Variants in TLNRD1 observed in about 807,000 individuals in gnomAD.
The protein encoded by TLNRD1 is talin rod domain containing 1, also known as talin rod domain-containing protein 1.
TLNRD1 carries 14 observed loss-of-function variants against 19.5 expected under a neutral mutation model. The ratio of observed to expected loss-of-function variants is 0.72; its 90% confidence interval spans 0.47 to 1.12. The LOEUF is 1.12. Among genes scored for constraint, TLNRD1 ranks in the 50% most tolerant of loss-of-function variants. The pLI is 0.00. For synonymous variants in TLNRD1, 345 were observed against 261.7 expected (o/e 1.32, Z -3.07); for missense variants, 569 against 531.9 (o/e 1.07, Z -0.69).
In TLNRD1 at chr15:81,003,090, C is replaced by G; in HGVS notation, c.819C>G (p.Arg273=). ...GFATEPQFLG[R]AAAVSAEGKA... The stretch of plus-strand genomic sequence containing the variant: ...CCACCGAGCCGCAGTTCCTGGGTCG[C>G]GCGGCAGCTGTGAGCGCCGAGGGCA... Residue 273 remains arginine (R), a synonymous_variant, in exon 1 of 1, where the codon CGC becomes CGG. Coordinates refer to ENST00000267984, the MANE Select transcript of TLNRD1 (RefSeq NM_022566.3). 1 of 1,552,900 alleles carries G rather than the reference C, an allele frequency of 6.4e-7. No homozygotes were observed. The highest frequency in any genetic ancestry group is 8.7e-7 in the Non-Finnish European group (1 of 1,153,516).
At position 81,002,726 on chromosome 15, in the gene TLNRD1, G is replaced by T; in HGVS notation, c.455G>T (p.Arg152Leu). ...CAGCCGGGCCTGGTGGACCGCTACC[G>T]CGTGACGCGATGCCGCCACGAGGTG... ...PAQPGLVDRY[R>L]VTRCRHEVEQ... The change falls in exon 1 of 1, where the codon CGC (arginine) becomes CTC (leucine). Residue 152 changes from arginine (R) to leucine (L), a missense_variant. Physicochemically the swap from Arg to Leu is moderately radical, Grantham distance 102. Transcript: ENST00000267984. The T allele has an allele frequency of 6.5e-7, 1 of 1,534,052 alleles. No homozygotes were observed. Among genetic ancestry groups the T allele is most frequent in the Non-Finnish European group, 8.7e-7 (1 of 1,145,950 alleles).
rs1312249561 is a variant in TLNRD1 at position 81,003,982 on chromosome 15, A to T, written c.*622A>T. 1 of 166,562 alleles carries T rather than the reference A, an allele frequency of 6.0e-6. No homozygotes were observed. The highest frequency in any genetic ancestry group is 2.4e-5 in the African/African-American group (1 of 41,290). 10.3% of individuals were successfully genotyped at this position (166,562 alleles called of 1,614,324 possible). A position where few individuals can be genotyped will look rare whatever the true frequency, so the allele number is the denominator to read the frequency against. Reference sequence around the variant, plus strand: ...ATGTACTGGAGTATTTATTTCATCTATTAAAATGTTATGTTTCTCAGATGG... The same window carrying T: ...ATGTACTGGAGTATTTATTTCATCTTTTAAAATGTTATGTTTCTCAGATGG... On this transcript the variant is annotated 3_prime_UTR_variant, in exon 1 of 1. Transcript: ENST00000267984.
rs1330987343 is a variant in TLNRD1 at position 81,003,286 on chromosome 15, C to T, written c.1015C>T (p.Leu339=). The change falls in exon 1 of 1, where the codon CTG becomes TTG. Residue 339 remains leucine, a synonymous_variant. Transcript: ENST00000267984. ...CTGCGCCGTGTCTGAAGGCTGCACCCTGCTATCTCAGGCTTTAAGGGAGAG... is the reference window on the plus strand; with the variant it reads ...CTGCGCCGTGTCTGAAGGCTGCACCTTGCTATCTCAGGCTTTAAGGGAGAG... ...SACAVSEGCT[L]LSQALRERSS... is the part of the protein sequence containing the mutation. 6.2e-7 allele frequency: 1 copy of T among 1,611,820 alleles called. No individual in the cohort carries two copies. Among genetic ancestry groups the T allele is most frequent in the Non-Finnish European group, 8.5e-7 (1 of 1,179,486 alleles).
At position 81,002,732 on chromosome 15, in the gene TLNRD1, C is replaced by T. The variant is rs1330211138; in HGVS notation, c.461C>T (p.Thr154Met). 2.0e-6 allele frequency: 3 copies of T among 1,534,064 alleles called. No homozygotes were observed. Among genetic ancestry groups the T allele is most frequent in the Non-Finnish European group, 2.6e-6 (3 of 1,145,992 alleles). ...GGCCTGGTGGACCGCTACCGCGTGACGCGATGCCGCCACGAGGTGGAGCAG... is the reference window on the plus strand; with the variant it reads ...GGCCTGGTGGACCGCTACCGCGTGATGCGATGCCGCCACGAGGTGGAGCAG... The part of the protein sequence containing the change: ...QPGLVDRYRV[T>M]RCRHEVEQGC... The change falls in exon 1 of 1, where the codon ACG (threonine) becomes ATG (methionine). Residue 154 changes from threonine to methionine, a missense_variant. By Grantham distance (81) the Thr-to-Met change is moderately conservative. Coordinates refer to ENST00000267984, the MANE Select transcript of TLNRD1 (RefSeq NM_022566.3).
In TLNRD1 at chr15:81,002,444, G is replaced by T; in HGVS notation, c.173G>T (p.Arg58Leu). The T allele has an allele frequency of 6.5e-7, 1 of 1,541,728 alleles. No individual in the cohort carries two copies. The highest frequency in any genetic ancestry group is 8.7e-7 in the Non-Finnish European group (1 of 1,151,098). ...CTGCTGCTGCTGTCGAGCGAGGCGC[G>T]GCCCGTGCTCTTCGAGGGCCCCGCC... is the stretch of plus-strand genomic sequence containing the variant. Reference protein sequence around the residue: ...ADLLLLSSEARPVLFEGPASS... With the variant: ...ADLLLLSSEALPVLFEGPASS... The change falls in exon 1 of 1, where the codon CGG (arginine) becomes CTG (leucine). Residue 58 changes from arginine to leucine, a missense_variant. Transcript: ENST00000267984.
In TLNRD1 at chr15:81,002,883, G is replaced by A; in HGVS notation, c.612G>A (p.Lys204=). 1 of 1,597,248 alleles carries A rather than the reference G, an allele frequency of 6.3e-7. No individual in the cohort carries two copies. The change falls in exon 1 of 1, where the codon AAG becomes AAA. Residue 204 remains lysine, a synonymous_variant. Coordinates refer to ENST00000267984, the MANE Select transcript of TLNRD1 (RefSeq NM_022566.3). ...ACGCGTGCGCCCTGGCCAGTGACAAGTCACGGGACCGCTTTTCGCGGGAGC... is the reference window on the plus strand; with the variant it reads ...ACGCGTGCGCCCTGGCCAGTGACAAATCACGGGACCGCTTTTCGCGGGAGC... ...LTDACALASD[K]SRDRFSREQF...
Position 81,002,668 on chromosome 15 carries a change from G to A in TLNRD1, c.397G>A (p.Ala133Thr). 1 of 1,461,828 alleles carries A rather than the reference G, an allele frequency of 6.8e-7. No homozygotes were observed. The highest frequency in any genetic ancestry group is 8.9e-7 in the Non-Finnish European group (1 of 1,120,652). The allele number at this position is 1,461,828 out of a possible 1,614,324, so 90.6% of individuals were successfully genotyped here. ...TECSAHAAYL[A>T]AVATPGAQPA... The stretch of plus-strand genomic sequence containing the variant: ...GTGCTCGGCCCACGCGGCCTATCTG[G>A]CCGCTGTGGCCACGCCGGGCGCCCA... The change falls in exon 1 of 1, where the codon GCC (alanine) becomes ACC (threonine). Residue 133 changes from alanine (A) to threonine (T), a missense_variant. Coordinates refer to ENST00000267984, the MANE Select transcript of TLNRD1 (RefSeq NM_022566.3).
chr15:81,002,324 C>T lies in TLNRD1; in HGVS notation c.53C>T (p.Pro18Leu), dbSNP rs1354082644. Residue 18 changes from proline to leucine, a missense_variant, in exon 1 of 1, where the codon CCT becomes CTT. Pro to Leu is a moderately conservative substitution (Grantham distance 98). Coordinates refer to ENST00000267984, the MANE Select transcript of TLNRD1 (RefSeq NM_022566.3). The part of the protein sequence containing the change: ...KPTGEAASPA[P>L]ASAIGGASSQ... ...ACTGGCGAGGCGGCTTCTCCGGCTC[C>T]TGCGAGCGCCATCGGCGGGGCCAGC... 8 of 1,408,576 alleles carry T rather than the reference C, an allele frequency of 5.7e-6. No individual in the cohort carries two copies. The highest frequency in any genetic ancestry group is 2.7e-5 in the Admixed American group (1 of 37,546). The allele number at this position is 1,408,576 out of a possible 1,614,324, so 87.3% of individuals were successfully genotyped here.
In TLNRD1 at chr15:81,003,486, G is replaced by A; in HGVS notation, c.*126G>A. On this transcript the variant is annotated 3_prime_UTR_variant, in exon 1 of 1. Transcript: ENST00000267984. ...CTACCCTCCCCAACGTTAAATGCTC[G>A]AGAGGAATCTTCCACAAGGCAGGGC... 8.1e-6 allele frequency: 9 copies of A among 1,110,708 alleles called. No individual in the cohort carries two copies. In the South Asian group the frequency reaches 1.5e-4, roughly 19 times the overall value. The allele number at this position is 1,110,708 out of a possible 1,614,324, so 68.8% of individuals were successfully genotyped here.
chr15:81,001,103 C>T lies in TLNRD1; in HGVS notation c.-1169C>T, dbSNP rs1176317290. The T allele has an allele frequency of 6.6e-6, 1 of 152,318 alleles. No individual in the cohort carries two copies. The highest frequency in any genetic ancestry group is 2.4e-5 in the African/African-American group (1 of 41,436). 9.4% of individuals were successfully genotyped at this position (152,318 alleles called of 1,614,324 possible). Reference sequence around the variant, plus strand: ...GAGGAAGCGGGTGTTTTCCCCTCTGCCTTTCGGCCCCCGCCCTTCCTTTCA... The same window carrying T: ...GAGGAAGCGGGTGTTTTCCCCTCTGTCTTTCGGCCCCCGCCCTTCCTTTCA... On this transcript the variant is annotated 5_prime_UTR_variant, in exon 1 of 1. Coordinates refer to ENST00000267984, the MANE Select transcript of TLNRD1 (RefSeq NM_022566.3).
Position 81,005,737 on chromosome 15 carries a change from T to C in TLNRD1, c.*2377T>C, listed in dbSNP as rs1893483036. 2 of 167,136 alleles carry C rather than the reference T, an allele frequency of 1.2e-5. No homozygotes were observed. Among genetic ancestry groups the C allele is most frequent in the Non-Finnish European group, 2.9e-5 (2 of 68,134 alleles). 10.4% of individuals were successfully genotyped at this position (167,136 alleles called of 1,614,324 possible). On this transcript the variant is annotated 3_prime_UTR_variant, in exon 1 of 1. Coordinates refer to ENST00000267984, the MANE Select transcript of TLNRD1 (RefSeq NM_022566.3). The stretch of plus-strand genomic sequence containing the variant: ...TTTCTTTATGCTCTACGTTTGGTCA[T>C]GTAACATGCATAATCTCTGTTCTCT...
In TLNRD1 at chr15:81,003,207, C is replaced by T. The variant is rs1037632774; in HGVS notation, c.936C>T (p.His312=). The T allele has an allele frequency of 1.3e-6, 2 of 1,597,304 alleles. No individual in the cohort carries two copies. The highest frequency in any genetic ancestry group is 1.1e-5 in the South Asian group (1 of 88,546). Residue 312 remains histidine, a synonymous_variant, in exon 1 of 1, where the codon CAC becomes CAT. Transcript: ENST00000267984. ...LTQCLRDLAQ[H]PDGGAKMSDH... The stretch of plus-strand genomic sequence containing the variant: ...AGTGCCTCAGGGATCTGGCGCAGCA[C>T]CCCGACGGGGGCGCCAAGATGTCGG...
chr15:81,003,514 T>G lies in TLNRD1; in HGVS notation c.*154T>G. ...AGGAATCTTCCACAAGGCAGGGCCA[T>G]GCACGCAACCTGCACACGCACTTGG... On this transcript the variant is annotated 3_prime_UTR_variant, in exon 1 of 1. Coordinates refer to ENST00000267984, the MANE Select transcript of TLNRD1 (RefSeq NM_022566.3). The G allele has an allele frequency of 1.2e-6, 1 of 868,720 alleles. No homozygotes were observed. The highest frequency in any genetic ancestry group is 1.7e-6 in the Non-Finnish European group (1 of 573,722). The allele number at this position is 868,720 out of a possible 1,614,324, so 53.8% of individuals were successfully genotyped here.
Position 81,005,583 on chromosome 15 carries a change from G to A in TLNRD1, c.*2223G>A, listed in dbSNP as rs1196329617. 1 of 166,780 alleles carries A rather than the reference G, an allele frequency of 6.0e-6. No individual in the cohort carries two copies. The highest frequency in any genetic ancestry group is 1.5e-5 in the Non-Finnish European group (1 of 68,084). 10.3% of individuals were successfully genotyped at this position (166,780 alleles called of 1,614,324 possible). ...TCCTGGACTCTTTCCTTGCAGAAGCGATTTTCAGGACAACTCAAGCCAATT... is the reference window on the plus strand; with the variant it reads ...TCCTGGACTCTTTCCTTGCAGAAGCAATTTTCAGGACAACTCAAGCCAATT... On this transcript the variant is annotated 3_prime_UTR_variant, in exon 1 of 1. Transcript: ENST00000267984.
At position 81,002,895 on chromosome 15, in the gene TLNRD1, C is replaced by T. The variant is rs142209157; in HGVS notation, c.624C>T (p.Arg208=). 6.3e-7 allele frequency: 1 copy of T among 1,597,384 alleles called. No homozygotes were observed. The change falls in exon 1 of 1, where the codon CGC becomes CGT. Residue 208 remains arginine (R), a synonymous_variant. Transcript: ENST00000267984. ...TGGCCAGTGACAAGTCACGGGACCG[C>T]TTTTCGCGGGAGCAGTTCAAGCTGG... The part of the protein sequence containing the change: ...CALASDKSRD[R]FSREQFKLGV...
rs1165362683 is a variant in TLNRD1, at chr15:81,005,004, TAA to T, written c.*1645_*1646del. The T allele has an allele frequency of 3.1e-4, 51 of 167,136 alleles. No individual in the cohort carries two copies. The highest frequency in any genetic ancestry group is 1.2e-4 in the Non-Finnish European group (8 of 68,096). 10.4% of individuals were successfully genotyped at this position (167,136 alleles called of 1,614,324 possible). The stretch of plus-strand genomic sequence containing the variant: ...GAAAGCATTTTTCACTGTAATACAT[TAA>T]GAGAGAGAGAAAAAAGTCATATTGA... On this transcript the variant is annotated 3_prime_UTR_variant, in exon 1 of 1. Coordinates refer to ENST00000267984, the MANE Select transcript of TLNRD1 (RefSeq NM_022566.3).
chr15:81,001,354 C>T lies in TLNRD1; in HGVS notation c.-918C>T, dbSNP rs141417718. 1,093 of 151,398 alleles carry T rather than the reference C, an allele frequency of 7.2e-3. 5 individuals carry two copies. Among genetic ancestry groups the T allele is most frequent in the Non-Finnish European group, 0.012 (814 of 67,818 alleles). The allele number at this position is 151,398 out of a possible 1,614,324, so 9.4% of individuals were successfully genotyped here. On this transcript the variant is annotated 5_prime_UTR_variant, in exon 1 of 1. Transcript: ENST00000267984. ...CTTGCGTAGACAGCCAGCGCCGGGC[C>T]GCCGGGCGCGCGGTCTGGGAGGGCG...
Position 81,003,511 on chromosome 15 carries a change from C to T in TLNRD1, c.*151C>T, listed in dbSNP as rs1893452565. ...GAGAGGAATCTTCCACAAGGCAGGG[C>T]CATGCACGCAACCTGCACACGCACT... On this transcript the variant is annotated 3_prime_UTR_variant, in exon 1 of 1. Coordinates refer to ENST00000267984, the MANE Select transcript of TLNRD1 (RefSeq NM_022566.3). 1.1e-6 allele frequency: 1 copy of T among 900,180 alleles called. No individual in the cohort carries two copies. Among genetic ancestry groups the T allele is most frequent in the Non-Finnish European group, 1.7e-6 (1 of 601,186 alleles). The allele number at this position is 900,180 out of a possible 1,614,324, so 55.8% of individuals were successfully genotyped here.
In TLNRD1 at chr15:81,002,457, C is replaced by T. The variant is rs1160885008; in HGVS notation, c.186C>T (p.Phe62=). 12 of 1,527,596 alleles carry T rather than the reference C, an allele frequency of 7.9e-6. No homozygotes were observed. In the Admixed American group the frequency reaches 2.4e-4, roughly 30 times the overall value. The allele number at this position is 1,527,596 out of a possible 1,614,324, so 94.6% of individuals were successfully genotyped here. The change falls in exon 1 of 1, where the codon TTC becomes TTT. Residue 62 remains phenylalanine, a synonymous_variant. Transcript: ENST00000267984. ...LLSSEARPVL[F]EGPASSGAGA... ...CGAGCGAGGCGCGGCCCGTGCTCTT[C>T]GAGGGCCCCGCCTCCTCTGGTGCCG...
Sources: gnomAD v4.1 joint callset for allele counts on GRCh38, gnomAD v4.1.1 for gene constraint, MANE v1.5 for transcripts, NCBI Gene and HGNC (gene_info 2026-07-23, HGNC 2026-07-21) for gene names.